The following CNOT10 variants were observed in gnomAD, a reference collection of about 807,000 sequenced individuals.
CNOT10 encodes the protein CCR4-NOT transcription complex subunit 10, also known as CCR4-NOT transcription complex, subunit 10.
CNOT10 carries 30 observed loss-of-function variants against 94.6 expected under a neutral mutation model. That is an observed-to-expected ratio of 0.32 (90% CI 0.24 to 0.43). The LOEUF (loss-of-function observed/expected upper bound fraction) is 0.43, where lower values mean the gene tolerates loss of function less well. Among genes scored for constraint, CNOT10 ranks in the 20% least tolerant of loss-of-function variants. The pLI is 1.00. For missense variants in CNOT10, 759 were observed against 877.2 expected, an observed-to-expected ratio of 0.87 and a Z score of 1.70; for synonymous variants, 289 against 301.6, an observed-to-expected ratio of 0.96 and a Z score of 0.43.
At chr3:32,703,734 A>T (rs1697479889) in intron 1 of CNOT10, 134 bp from the exon 2 acceptor site, 1 of 620,938 alleles carries the variant, frequency 1.6e-6, no homozygotes. Flanking sequence ...AGAACTGCTT[A>T]TTTCTGGAAT....
chr3:32,769,185 G>A (rs1454876312), intron 17 of CNOT10: 1 of 152,228 alleles, frequency 6.6e-6, no homozygotes, highest in African/African-American at 2.4e-5. Flanking sequence ...GAAGCAATGA[G>A]CAACTAAAAC....
chr3:32,754,377 T>C (rs1468333548), intron 13 of CNOT10, among the ~76,000 whole-genome samples: 4 of 135,926 alleles, frequency 2.9e-5, no homozygotes, highest in Non-Finnish European at 4.7e-5. Flanking sequence ...CTCGGGAGGC[T>C]GAGGCAGGAG....
At chr3:32,689,518 C>A (rs958415708) in intron 1 of CNOT10, among the ~76,000 whole-genome samples, 1 of 152,038 alleles carries the variant, frequency 6.6e-6, no homozygotes, top group African/African-American at 2.4e-5. Flanking sequence ...AGAGGAGCAA[C>A]AAATATGCAA....
chr3:32,686,905 A>G (rs1263792059), intron 1 of CNOT10, among the ~76,000 whole-genome samples: 1 of 152,160 alleles, frequency 6.6e-6, no homozygotes, highest in African/African-American at 2.4e-5. Context: ...TGAATAATGG[A>G]TATGACACAC....
chr3:32,748,136 G>A (rs1360024979), intron 13 of CNOT10, among the ~76,000 whole-genome samples: 1 of 152,190 alleles, frequency 6.6e-6, no homozygotes, highest in Non-Finnish European at 1.5e-5. Flanking sequence ...GAAATTACAG[G>A]TGTGAGCCAC....
chr3:32,721,966 G>C (rs1241638078), intron 8 of CNOT10, among the ~76,000 whole-genome samples: 1 of 151,758 alleles, frequency 6.6e-6, no homozygotes, highest in Non-Finnish European at 1.5e-5. Context: ...ACATATTCTT[G>C]CCTCTATTTA....
At chr3:32,695,771 G>C (rs1697022185) in intron 1 of CNOT10, 1 of 1,535,830 alleles carries the variant, frequency 6.5e-7, no homozygotes, top group African/African-American at 1.4e-5. Context: ...ATTGGCAACG[G>C]AGACTACTTT....
intron 13 of CNOT10, among the ~76,000 whole-genome samples, chr3:32,750,789 A>G (rs1699930928): frequency 6.6e-6 from 1 of 152,022 alleles, no homozygotes; most frequent in African/African-American, 2.4e-5. Flanking sequence ...TGACCTCGTG[A>G]TCTGCCTACC....
chr3:32,750,897 G>A (rs969740464), intron 13 of CNOT10, among the ~76,000 whole-genome samples: 1 of 152,100 alleles, frequency 6.6e-6, no homozygotes. Context: ...ACTGTCATGG[G>A]TATGAACTGA....
chr3:32,703,998 A>G (rs1697495843), intron 2 of CNOT10, 36 bp downstream of exon 2: 2 of 1,335,448 alleles, frequency 1.5e-6, no homozygotes, highest in Non-Finnish European at 2.1e-6. Context: ...CTCAAGTTGT[A>G]GGGTTCTGTC....
rs554828339 is a variant in CNOT10 at position 32,720,386 on chromosome 3, C to T, written c.862+155C>T. Among the ~76,000 whole-genome samples, 268 of 152,210 alleles carry T rather than the reference C, an allele frequency of 1.8e-3. 1 individual carries two copies. The highest frequency in any genetic ancestry group is 6.3e-3 in the African/African-American group (260 of 41,548). ...TCTGGTGCAAAAATTTCCAGGAATT[C>T]TTGTTTCTACTTTAGAAGAAACCTC... On this transcript the variant is annotated intron_variant, in intron 8 of 18. Coordinates refer to ENST00000328834, the MANE Select transcript of CNOT10 (RefSeq NM_015442.3).
At chr3:32,718,199 G>T (rs1203799518) in intron 7 of CNOT10, among the ~76,000 whole-genome samples, 1 of 150,456 alleles carries the variant, frequency 6.6e-6, no homozygotes, top group Non-Finnish European at 1.5e-5. Context: ...GAGAACAATT[G>T]TGGCCTAGAC....
intron 13 of CNOT10, among the ~76,000 whole-genome samples, chr3:32,754,274 G>A (rs7372311): frequency 0.49 from 73,627 of 149,806 alleles, 19,200 homozygotes; most frequent in Non-Finnish European, 0.56. Flanking sequence ...TCAGGAGATC[G>A]AGGCCATCCT....
intron 1 of CNOT10, among the ~76,000 whole-genome samples, chr3:32,697,868 A>T (rs1697151380): frequency 6.6e-6 from 1 of 152,230 alleles, no homozygotes; most frequent in East Asian, 1.9e-4. Context: ...ATGAGAGAAG[A>T]CACATTTTTT....
At chr3:32,773,147 A>G (rs1700988423) in intron 18 of CNOT10, among the ~76,000 whole-genome samples, 1 of 152,192 alleles carries the variant, frequency 6.6e-6, no homozygotes, top group African/African-American at 2.4e-5. Flanking sequence ...GGTTACAGGC[A>G]TGAACCAACC....
At chr3:32,686,971 G>T (rs1328670781) in intron 1 of CNOT10, among the ~76,000 whole-genome samples, 1 of 148,100 alleles carries the variant, frequency 6.8e-6, no homozygotes, top group Admixed American at 6.7e-5. Context: ...GCATATCCTA[G>T]CTGCACTCCT....
chr3:32,699,145 C>A (rs1697217197), intron 1 of CNOT10, among the ~76,000 whole-genome samples: 1 of 152,158 alleles, frequency 6.6e-6, no homozygotes, highest in African/African-American at 2.4e-5. Context: ...GTGCCCAGAT[C>A]ATAAGTGCAC....
At chr3:32,709,873 G>A (rs1416424711) in intron 4 of CNOT10, among the ~76,000 whole-genome samples, 2 of 152,048 alleles carry the variant, frequency 1.3e-5, no homozygotes, top group Non-Finnish European at 2.9e-5. Flanking sequence ...TATGCCCAGC[G>A]CAGTGGCTCA....
chr3:32,758,503 G>A (rs1700308580), intron 13 of CNOT10, among the ~76,000 whole-genome samples: 1 of 152,164 alleles, frequency 6.6e-6, no homozygotes, highest in African/African-American at 2.4e-5. Context: ...AAACTCTGTG[G>A]TGATATACTG....
Sources: allele counts gnomAD v4.1 joint callset (sites outside exome capture counted in the v4.1 genomes callset), GRCh38; gene constraint gnomAD v4.1.1; transcripts MANE v1.5; gene names NCBI Gene and HGNC (gene_info 2026-07-23, HGNC 2026-07-21).